Variants in SNX10 observed in about 807,000 individuals in gnomAD.
SNX10 encodes sorting nexin 10.
In SNX10, 25 loss-of-function variants were observed where a neutral mutation model predicts 28.5. The ratio of observed to expected loss-of-function variants is 0.88; its 90% CI spans 0.64 to 1.22. The LOEUF is 1.22. Ranked by LOEUF, SNX10 falls within the 50% of genes most tolerant of loss-of-function variation. The pLI is 0.00. For missense variants in SNX10, 223 were observed against 242.6 expected (o/e 0.92, Z 0.54); for synonymous variants, 62 against 81.4 (o/e 0.76, Z 1.28).
At chr7:26,334,610 A>G (rs376080439) in intron 1 of SNX10, among the ~76,000 whole-genome samples, 16 of 152,322 alleles carry the variant, frequency 1.1e-4, no homozygotes, top group East Asian at 7.7e-4. Flanking sequence ...TTGGCCTACT[A>G]TCAAGTTCAT....
At chr7:26,368,120 C>T (rs551289443) in intron 5 of SNX10, among the ~76,000 whole-genome samples, 1 of 152,250 alleles carries the variant, frequency 6.6e-6, no homozygotes, top group South Asian at 2.1e-4. Context: ...TACCATTTAT[C>T]GAACACTTTC....
At chr7:26,323,435 G>A (rs1389635760) in intron 1 of SNX10, among the ~76,000 whole-genome samples, 1 of 152,116 alleles carries the variant, frequency 6.6e-6, no homozygotes, top group African/African-American at 2.4e-5. Flanking sequence ...CGAAGGCCCT[G>A]GGATGAGATG....
chr7:26,343,760 A>G (rs1017506641), intron 1 of SNX10, among the ~76,000 whole-genome samples: 5 of 152,192 alleles, frequency 3.3e-5, no homozygotes, highest in Non-Finnish European at 7.4e-5. Flanking sequence ...GCTCTGGTGC[A>G]GGAATCCCAT....
At chr7:26,338,963 G>C (rs1788063392) in intron 1 of SNX10, among the ~76,000 whole-genome samples, 2 of 152,202 alleles carry the variant, frequency 1.3e-5, no homozygotes, top group Admixed American at 6.5e-5. Flanking sequence ...GTTATCCCCA[G>C]GAGCAATTTA....
intron 1 of SNX10, among the ~76,000 whole-genome samples, chr7:26,305,597 A>T (rs1332657522): frequency 6.6e-6 from 1 of 152,192 alleles, no homozygotes; most frequent in African/African-American, 2.4e-5. Flanking sequence ...TCTGCAGATG[A>T]TCAGACCCTG....
At chr7:26,343,140 A>G (rs1001927114) in intron 1 of SNX10, among the ~76,000 whole-genome samples, 4 of 152,160 alleles carry the variant, frequency 2.6e-5, no homozygotes, top group Admixed American at 2.6e-4. Flanking sequence ...GTAGCATCTT[A>G]AGGTGGCCAA....
chr7:26,306,301 A>C (rs754927752), intron 1 of SNX10, among the ~76,000 whole-genome samples: 3 of 151,862 alleles, frequency 2.0e-5, no homozygotes, highest in African/African-American at 7.3e-5. Flanking sequence ...AAATGATCCA[A>C]CTCTTGCAGG....
At chr7:26,293,603 G>A (rs939125125) in intron 1 of SNX10, among the ~76,000 whole-genome samples, 1 of 152,198 alleles carries the variant, frequency 6.6e-6, no homozygotes, top group Non-Finnish European at 1.5e-5. Flanking sequence ...AGAAGAAACT[G>A]TGTGAAGATG....
intron 1 of SNX10, among the ~76,000 whole-genome samples, chr7:26,335,735 C>CCT (rs1787903955): frequency 1.2e-5 from 1 of 84,254 alleles, no homozygotes. Flanking sequence ...ATGGAATATT[C>CCT]TTTTTTTTTT....
At position 26,364,292 on chromosome 7, in the gene SNX10, G is replaced by T. The variant is rs946214169; in HGVS notation, c.112-243G>T. On this transcript the variant is annotated intron_variant, in intron 3 of 6. Coordinates refer to ENST00000338523, the MANE Select transcript of SNX10 (RefSeq NM_013322.3). This position sits in a 1 kb window ranked among gnomAD's most constrained non-coding sequence, Gnocchi z 4.9. ...GTAGGAGGCTCCTTCAGGATGCAGG[G>T]AGTGGCCAGGTCATACCTCACCCTG... 1.7e-6 allele frequency: 2 copies of T among 1,177,104 alleles called. No individual in the cohort carries two copies. Among genetic ancestry groups the T allele is most frequent in the Non-Finnish European group, 2.1e-6 (2 of 951,572 alleles). The allele number at this position is 1,177,104 out of a possible 1,614,324, so 72.9% of individuals were successfully genotyped here. A position where few individuals can be genotyped will look rare whatever the true frequency, so the allele number is the denominator to read the frequency against.
intron 1 of SNX10, among the ~76,000 whole-genome samples, chr7:26,335,473 G>A (rs1385624184): frequency 1.3e-5 from 2 of 152,114 alleles, no homozygotes. Flanking sequence ...CTAGCCTGTG[G>A]ACTGACTTCT....
At chr7:26,353,130 T>G in intron 2 of SNX10, among the ~76,000 whole-genome samples, 1 of 152,208 alleles carries the variant, frequency 6.6e-6, no homozygotes, top group East Asian at 1.9e-4. Flanking sequence ...CTAAATCTCA[T>G]TCACAGTTGT....
chr7:26,372,098 C>T (rs546277229), intron 6 of SNX10, 65 bp downstream of exon 6: 269 of 1,036,894 alleles, frequency 2.6e-4, no homozygotes, highest in Non-Finnish European at 3.6e-4. Flanking sequence ...CACATATGCA[C>T]GTGTATAGAT....
chr7:26,345,577 G>A (rs1188057881), intron 1 of SNX10, among the ~76,000 whole-genome samples: 1 of 152,128 alleles, frequency 6.6e-6, no homozygotes, highest in Non-Finnish European at 1.5e-5. Flanking sequence ...GCTTCCCTGT[G>A]TTCCCTATGG....
intron 1 of SNX10, among the ~76,000 whole-genome samples, chr7:26,333,603 C>A (rs185389213): frequency 6.6e-6 from 1 of 151,520 alleles, no homozygotes; most frequent in African/African-American, 2.4e-5. Flanking sequence ...GGATTACAGG[C>A]GTGAGCCACC....
chr7:26,343,572 G>A (rs979029167), intron 1 of SNX10, among the ~76,000 whole-genome samples: 1 of 152,204 alleles, frequency 6.6e-6, no homozygotes, highest in African/African-American at 2.4e-5. Flanking sequence ...TGCACAGCAC[G>A]CGGTTGTGTA....
chr7:26,298,857 AAG>A (rs1786209728), intron 1 of SNX10, among the ~76,000 whole-genome samples: 1 of 152,182 alleles, frequency 6.6e-6, no homozygotes, highest in South Asian at 2.1e-4. Context: ...AAAAGAGAGA[AAG>A]AGAACAAGCT....
intron 1 of SNX10, among the ~76,000 whole-genome samples, chr7:26,336,837 CT>C (rs1315661701): frequency 1.3e-5 from 2 of 152,160 alleles, no homozygotes; most frequent in African/African-American, 4.8e-5. Flanking sequence ...TTCTACTCCG[CT>C]TATGGACGTT....
intron 1 of SNX10, among the ~76,000 whole-genome samples, chr7:26,329,144 C>T (rs563322834): frequency 3.3e-5 from 5 of 152,346 alleles, no homozygotes; most frequent in African/African-American, 1.2e-4. Context: ...CAGTGGCTTC[C>T]ACATTCCTCA....
Sources: allele counts gnomAD v4.1 joint callset (sites outside exome capture counted in the v4.1 genomes callset), GRCh38; gene constraint gnomAD v4.1.1; non-coding constraint Gnocchi (gnomAD v3.1); transcripts MANE v1.5; gene names NCBI Gene and HGNC (gene_info 2026-07-23, HGNC 2026-07-21).